CALN1: variants seen among roughly 807,000 people sequenced by gnomAD.
CALN1 encodes the protein calneuron 1, also known as calcium-binding protein 8.
A neutral mutation model predicts 30.6 loss-of-function variants in CALN1; 17 were observed. That is an observed-to-expected ratio of 0.56 (90% CI 0.38 to 0.83). The LOEUF (loss-of-function observed/expected upper bound fraction) is 0.83, where lower values mean the gene tolerates loss of function less well. CALN1 is among the 40% of genes least tolerant of loss of function. The pLI is 0.00. For missense variants in CALN1, 291 were observed against 354.9 expected, an observed-to-expected ratio of 0.82 and a Z score of 1.45; for synonymous variants, 156 against 131.4, an observed-to-expected ratio of 1.19 and a Z score of -1.28.
intron 5 of CALN1, among the ~76,000 whole-genome samples, chr7:71,910,234 C>A (rs1794356778): frequency 6.6e-6 from 1 of 152,164 alleles, no homozygotes; most frequent in Non-Finnish European, 1.5e-5. Flanking sequence ...CATATCAACG[C>A]CAGACCTGAG....
intron 5 of CALN1, among the ~76,000 whole-genome samples, chr7:72,009,237 A>G (rs908584641): frequency 1.3e-5 from 2 of 152,212 alleles, no homozygotes; most frequent in Non-Finnish European, 2.9e-5. Context: ...TAATTTCATC[A>G]TGCTAGGTTA....
chr7:72,099,242 C>T (rs1400997155), intron 4 of CALN1, among the ~76,000 whole-genome samples: 3 of 149,206 alleles, frequency 2.0e-5, no homozygotes, highest in South Asian at 2.1e-4. Context: ...CATCCTACAG[C>T]GAAGAATCCT....
In CALN1 at chr7:72,086,027, A is replaced by C. The variant is rs143184502; in HGVS notation, c.388+20124T>G. ...CGAAAAAAGAGATAAAAAAATATATAAAGTTAGAGATCTCAAAGATGATAT... is the reference window on the plus strand; with the variant it reads ...CGAAAAAAGAGATAAAAAAATATATCAAGTTAGAGATCTCAAAGATGATAT... On this transcript the variant is annotated intron_variant, in intron 4 of 6. Coordinates refer to ENST00000395275, the MANE Select transcript of CALN1 (RefSeq NM_031468.4). Among the ~76,000 whole-genome samples the C allele has an allele frequency of 2.6e-5, 4 of 152,312 alleles. No homozygotes were observed. In the East Asian group the frequency reaches 7.7e-4, roughly 29 times the overall value.
At chr7:72,418,407 G>A (rs969342883) in intron 1 of CALN1, among the ~76,000 whole-genome samples, 2 of 152,146 alleles carry the variant, frequency 1.3e-5, no homozygotes, top group Non-Finnish European at 2.9e-5. Flanking sequence ...TTGCTCTTGT[G>A]AATAATGCTG....
Position 71,994,511 on chromosome 7 carries a change from C to CAAAAAAAAAAAAA in CALN1, c.501+29133_501+29145dup, listed in dbSNP as rs367725464. ...TGGGCGACAGAGCAAGACTTCATCT[C>CAAAAAAAAAAAAA]AAAAAAAAAAAAAAAAAAAAAACAG... On this transcript the variant is annotated intron_variant, in intron 5 of 6. Coordinates refer to ENST00000395275, the MANE Select transcript of CALN1 (RefSeq NM_031468.4). Among the ~76,000 whole-genome samples, 29 of 44,014 alleles carry CAAAAAAAAAAAAA rather than the reference C, an allele frequency of 6.6e-4. 2 individuals are homozygous for CAAAAAAAAAAAAA. The highest frequency in any genetic ancestry group is 2.2e-3 in the African/African-American group (26 of 11,732). The allele number at this position is 44,014 out of a possible 152,430, so 28.9% of individuals were successfully genotyped here. A position where few individuals can be genotyped will look rare whatever the true frequency, so the allele number is the denominator to read the frequency against.
chr7:72,239,487 T>C (rs950253629), intron 3 of CALN1, among the ~76,000 whole-genome samples: 1 of 152,206 alleles, frequency 6.6e-6, no homozygotes, highest in Non-Finnish European at 1.5e-5. Flanking sequence ...GCAGAGATTT[T>C]TATTTCTATT....
rs368524737 is a variant in CALN1 at position 72,043,821 on chromosome 7, G to C, written c.389-20052C>G. Among the ~76,000 whole-genome samples the C allele has an allele frequency of 8.5e-5, 13 of 152,248 alleles. No individual in the cohort carries two copies. The South Asian group carries it at 2.3e-3, about 27-fold the overall frequency. ...TGCTGATAAAGACACACATGAGACT[G>C]GGCAATTTACAAAAGAAAGAAGTTT... On this transcript the variant is annotated intron_variant, in intron 4 of 6. Coordinates refer to ENST00000395275, the MANE Select transcript of CALN1 (RefSeq NM_031468.4).
At chr7:71,835,356 G>A (rs970547625) in intron 5 of CALN1, among the ~76,000 whole-genome samples, 1 of 152,158 alleles carries the variant, frequency 6.6e-6, no homozygotes, top group Non-Finnish European at 1.5e-5. Flanking sequence ...CTCTGTTTTA[G>A]TAACCACAGG....
At chr7:72,385,341 T>C (rs1271706480) in intron 2 of CALN1, among the ~76,000 whole-genome samples, 1 of 152,196 alleles carries the variant, frequency 6.6e-6, no homozygotes, top group East Asian at 1.9e-4. Flanking sequence ...CACAAAAATC[T>C]ACATGCAAAT....
intron 4 of CALN1, among the ~76,000 whole-genome samples, chr7:72,060,360 A>G (rs913913017): frequency 6.6e-6 from 1 of 152,180 alleles, no homozygotes; most frequent in Admixed American, 6.5e-5. Flanking sequence ...GAAAGTATGC[A>G]TAAGAGTAGG....
At chr7:71,921,919 A>T (rs1794967262) in intron 5 of CALN1, among the ~76,000 whole-genome samples, 1 of 150,968 alleles carries the variant, frequency 6.6e-6, no homozygotes, top group Non-Finnish European at 1.5e-5. Context: ...TTGACTCCCC[A>T]GGTTGAGGCA....
intron 5 of CALN1, among the ~76,000 whole-genome samples, chr7:71,859,473 A>C (rs1025254204): frequency 1.6e-4 from 24 of 152,286 alleles, no homozygotes; most frequent in African/African-American, 5.5e-4. Context: ...TGTTCCCGTC[A>C]GAGGCCTCTA....
chr7:72,319,872 T>C (rs1364127709), intron 2 of CALN1, among the ~76,000 whole-genome samples: 2 of 151,624 alleles, frequency 1.3e-5, no homozygotes. Context: ...TGGGAGGGGA[T>C]GAGAGATAAG....
At chr7:72,488,743 G>C in the CALN1 span, among the ~76,000 whole-genome samples, 1 of 151,986 alleles carries the variant, frequency 6.6e-6, no homozygotes, top group Non-Finnish European at 1.5e-5. Flanking sequence ...GGGTACAGTG[G>C]TGCAATCATA....
At chr7:72,300,172 G>A (rs977141018) in intron 2 of CALN1, among the ~76,000 whole-genome samples, 1 of 152,138 alleles carries the variant, frequency 6.6e-6, no homozygotes, top group African/African-American at 2.4e-5. Flanking sequence ...GAGCCACCAT[G>A]CCCAGCCCTT....
At chr7:72,297,229 CTT>C (rs1483841427) in intron 2 of CALN1, among the ~76,000 whole-genome samples, 3 of 152,040 alleles carry the variant, frequency 2.0e-5, no homozygotes, top group East Asian at 3.9e-4. Context: ...TAAATGTTCT[CTT>C]TTATCTTAAA....
chr7:71,960,883 C>A (rs1053125118), intron 5 of CALN1, among the ~76,000 whole-genome samples: 1 of 152,176 alleles, frequency 6.6e-6, no homozygotes, highest in Non-Finnish European at 1.5e-5. Flanking sequence ...GTGGCTCAAT[C>A]TCAGCTCATT....
At chr7:72,485,629 T>C in the CALN1 span, among the ~76,000 whole-genome samples, 236 of 152,314 alleles carry the variant, frequency 1.5e-3, no homozygotes, top group Middle Eastern at 6.8e-3. Flanking sequence ...CCCAGCACTT[T>C]GGGAGGCCCA....
At chr7:72,032,819 G>A (rs1801548079) in intron 4 of CALN1, among the ~76,000 whole-genome samples, 1 of 152,126 alleles carries the variant, frequency 6.6e-6, no homozygotes, top group African/African-American at 2.4e-5. Flanking sequence ...GCACACGTCT[G>A]AAGTCTCTTC....
Sources: gnomAD v4.1 joint callset for allele counts (sites outside exome capture counted in the v4.1 genomes callset) on GRCh38, gnomAD v4.1.1 for gene constraint, MANE v1.5 for transcripts, NCBI Gene and HGNC (gene_info 2026-07-23, HGNC 2026-07-21) for gene names.